CFAP299: variants seen among roughly 807,000 people sequenced by gnomAD.
The protein encoded by CFAP299 is cilia- and flagella-associated protein 299.
A neutral mutation model predicts 27.0 loss-of-function variants in CFAP299; 21 were observed. The observed-to-expected ratio is 0.78, with a 90% CI of 0.55 to 1.12. CFAP299 has a LOEUF of 1.12. CFAP299 is among the 50% of genes most tolerant of loss of function. CFAP299 has a pLI of 0.00. For synonymous variants in CFAP299, 104 were observed against 98.1 expected, an observed-to-expected ratio of 1.06 and a Z score of -0.36; for missense variants, 310 against 276.6, an observed-to-expected ratio of 1.12 and a Z score of -0.86.
intron 3 of CFAP299, among the ~76,000 whole-genome samples, chr4:80,749,303 T>C (rs1363351015): frequency 2.0e-5 from 3 of 152,164 alleles, no homozygotes; most frequent in South Asian, 2.1e-4. Context: ...CCTTGACTTA[T>C]TTTTGTCTTG....
chr4:80,386,698 G>A, intron 2 of CFAP299: 1 of 1,574,972 alleles, frequency 6.3e-7, no homozygotes, highest in East Asian at 2.3e-5. Flanking sequence ...AGGACCTGCT[G>A]CACAGGGCGC....
chr4:80,431,344 CT>C (rs1185102591), intron 2 of CFAP299, among the ~76,000 whole-genome samples: 1 of 149,026 alleles, frequency 6.7e-6, no homozygotes, highest in East Asian at 2.0e-4. Context: ...TCCTTCTTTC[CT>C]TCCTTTTTTC....
intron 2 of CFAP299, among the ~76,000 whole-genome samples, chr4:80,478,288 C>T (rs576188963): frequency 1.7e-3 from 258 of 152,234 alleles, no homozygotes; most frequent in African/African-American, 5.9e-3. Flanking sequence ...TGAAGCTGTT[C>T]ATCATGCATG....
chr4:80,829,628 T>C (rs556542990), intron 3 of CFAP299, among the ~76,000 whole-genome samples: 2 of 152,232 alleles, frequency 1.3e-5, no homozygotes, highest in African/African-American at 2.4e-5. Context: ...TATATACCCA[T>C]GTTCATAGCA....
At chr4:80,719,995 C>A (rs1032570212) in intron 3 of CFAP299, among the ~76,000 whole-genome samples, 1 of 152,114 alleles carries the variant, frequency 6.6e-6, no homozygotes, top group African/African-American at 2.4e-5. Context: ...ATATAAGCCC[C>A]GTGATTGTCC....
chr4:80,835,001 C>T (rs1335184829), intron 3 of CFAP299, among the ~76,000 whole-genome samples: 1 of 152,186 alleles, frequency 6.6e-6, no homozygotes, highest in South Asian at 2.1e-4. Context: ...GTCTAATATT[C>T]TGCCTTCCCA....
chr4:80,818,356 A>G (rs950574641), intron 3 of CFAP299, among the ~76,000 whole-genome samples: 1 of 152,140 alleles, frequency 6.6e-6, no homozygotes, highest in Non-Finnish European at 1.5e-5. Flanking sequence ...ATAGTTTGCC[A>G]TCTTTTTTCC....
intron 3 of CFAP299, among the ~76,000 whole-genome samples, chr4:80,666,678 T>C (rs997253777): frequency 1.3e-5 from 2 of 152,202 alleles, no homozygotes; most frequent in African/African-American, 4.8e-5. Context: ...CTTGCCTTCT[T>C]GTATGTTAGA....
chr4:80,388,029 G>T, intron 2 of CFAP299: 1 of 695,608 alleles, frequency 1.4e-6, no homozygotes, highest in South Asian at 1.7e-5. Context: ...GGGTAGGGCT[G>T]CATCACCAGT....
intron 4 of CFAP299, among the ~76,000 whole-genome samples, chr4:80,891,778 T>TTA (rs1734296216): frequency 1.6e-4 from 4 of 25,596 alleles, no homozygotes; most frequent in African/African-American, 9.0e-4. Context: ...AAAAAAAAAT[T>TTA]AAAAAAAAAA....
intron 3 of CFAP299, among the ~76,000 whole-genome samples, chr4:80,765,670 TTGTTAGCACACCA>T (rs1725822516): frequency 6.6e-6 from 1 of 152,044 alleles, no homozygotes. Context: ...ACATGCAGGT[TTGTTAGCACACCA>T]ATATAAAAAT....
intron 2 of CFAP299, among the ~76,000 whole-genome samples, chr4:80,463,350 A>G (rs2110108590): frequency 1.3e-5 from 2 of 152,302 alleles, no homozygotes; most frequent in Middle Eastern, 6.8e-3. Context: ...GAAAGAACAT[A>G]TCATCAAAGG....
intron 2 of CFAP299, among the ~76,000 whole-genome samples, chr4:80,445,886 A>G (rs1728592431): frequency 6.6e-6 from 1 of 152,194 alleles, no homozygotes; most frequent in African/African-American, 2.4e-5. Flanking sequence ...TATTACAGTA[A>G]TAAATAACTG....
chr4:80,598,670 C>T (rs1042007533), intron 3 of CFAP299, among the ~76,000 whole-genome samples: 1 of 152,128 alleles, frequency 6.6e-6, no homozygotes, highest in African/African-American at 2.4e-5. Context: ...AAGAAAGTGA[C>T]TAATAGCAAA....
At chr4:80,743,959 G>A (rs1191847779) in intron 3 of CFAP299, among the ~76,000 whole-genome samples, 1 of 152,170 alleles carries the variant, frequency 6.6e-6, no homozygotes, top group East Asian at 1.9e-4. Context: ...TGTTCCTTGG[G>A]AGATTTACTT....
intron 2 of CFAP299, among the ~76,000 whole-genome samples, chr4:80,471,894 C>T (rs745420667): frequency 6.6e-6 from 1 of 152,182 alleles, no homozygotes; most frequent in African/African-American, 2.4e-5. Context: ...CACTGACCCG[C>T]GGCCATCCTT....
At chr4:80,956,188 A>G (rs1393718192) in intron 5 of CFAP299, among the ~76,000 whole-genome samples, 1 of 152,182 alleles carries the variant, frequency 6.6e-6, no homozygotes, top group East Asian at 1.9e-4. Flanking sequence ...TGCTTAGTCA[A>G]AATATATGTA....
chr4:80,431,013 T>A (rs1251407298), intron 2 of CFAP299, among the ~76,000 whole-genome samples: 1 of 152,160 alleles, frequency 6.6e-6, no homozygotes, highest in African/African-American at 2.4e-5. Context: ...TCGTGAGACC[T>A]CCTCTGACCA....
intron 2 of CFAP299, among the ~76,000 whole-genome samples, chr4:80,472,654 G>A (rs915841388): frequency 3.9e-5 from 6 of 152,132 alleles, no homozygotes; most frequent in African/African-American, 1.4e-4. Context: ...GTGGCAGCCG[G>A]CTGGACAGGA....
Sources: gnomAD v4.1 joint callset for allele counts (sites outside exome capture counted in the v4.1 genomes callset) on GRCh38, gnomAD v4.1.1 for gene constraint, MANE v1.5 for transcripts, NCBI Gene and HGNC (gene_info 2026-07-23, HGNC 2026-07-21) for gene names.